KIAA1217: variants seen among roughly 807,000 people sequenced by gnomAD.
KIAA1217 encodes the protein sickle tail protein homolog.
Under a neutral mutation model 163.9 loss-of-function variants are expected in KIAA1217, and 88 were observed. The ratio of observed to expected loss-of-function variants is 0.54; its 90% CI spans 0.45 to 0.64. The LOEUF (loss-of-function observed/expected upper bound fraction) is 0.64. KIAA1217 is among the 30% of genes least tolerant of loss of function. KIAA1217 has a pLI of 0.00. For missense variants in KIAA1217, 2,372 were observed against 2,475.0 expected (o/e 0.96, Z 0.88); for synonymous variants, 903 against 923.1 (o/e 0.98, Z 0.39).
chr10:24,008,345 T>C (rs949041297), intron 2 of KIAA1217, among the ~76,000 whole-genome samples: 3 of 152,124 alleles, frequency 2.0e-5, no homozygotes, highest in African/African-American at 4.8e-5. Context: ...TCAGGAAGCA[T>C]TAAACTTAGC....
intron 1 of KIAA1217, among the ~76,000 whole-genome samples, chr10:23,880,413 A>T (rs888374237): frequency 6.6e-6 from 1 of 151,924 alleles, no homozygotes; most frequent in African/African-American, 2.4e-5. Flanking sequence ...AATTGAACAC[A>T]TGGAGATAGA....
chr10:23,985,323 C>G (rs536155582), intron 1 of KIAA1217, among the ~76,000 whole-genome samples: 1 of 152,270 alleles, frequency 6.6e-6, no homozygotes, highest in South Asian at 2.1e-4. Context: ...TTTCTGGACT[C>G]TCTTCTATTT....
intron 3 of KIAA1217, among the ~76,000 whole-genome samples, chr10:24,421,727 A>G (rs1227147647): frequency 3.3e-5 from 5 of 152,232 alleles, no homozygotes; most frequent in Non-Finnish European, 7.3e-5. Flanking sequence ...TGACTCTGTT[A>G]AGATAAGTGT....
At chr10:23,959,681 A>C (rs191186609) in intron 1 of KIAA1217, among the ~76,000 whole-genome samples, 11 of 152,306 alleles carry the variant, frequency 7.2e-5, no homozygotes, top group African/African-American at 2.4e-4. Context: ...AAGAGTGGAC[A>C]GTCCATAGGG....
At chr10:24,100,694 C>T (rs1482657165) in intron 2 of KIAA1217, among the ~76,000 whole-genome samples, 1 of 152,218 alleles carries the variant, frequency 6.6e-6, no homozygotes, top group African/African-American at 2.4e-5. Flanking sequence ...CCTTTTCAAA[C>T]TATTTTGCAA....
At chr10:23,877,211 C>A (rs1011523933) in intron 1 of KIAA1217, among the ~76,000 whole-genome samples, 1 of 151,924 alleles carries the variant, frequency 6.6e-6, no homozygotes, top group African/African-American at 2.4e-5. Flanking sequence ...GAGATGTACT[C>A]ACCTATCAGG....
intron 2 of KIAA1217, among the ~76,000 whole-genome samples, chr10:24,190,988 G>A (rs2066690984): frequency 6.6e-6 from 1 of 152,036 alleles, no homozygotes; most frequent in African/African-American, 2.4e-5. Flanking sequence ...GAGCCCAGGA[G>A]TTCAAGACCA....
chr10:24,107,723 A>G (rs550967104), intron 2 of KIAA1217, among the ~76,000 whole-genome samples: 2 of 152,288 alleles, frequency 1.3e-5, no homozygotes, highest in East Asian at 3.9e-4. Context: ...TCCATCTTGG[A>G]AGTGAATGTC....
chr10:24,226,483 A>C (rs1006096354), intron 2 of KIAA1217, among the ~76,000 whole-genome samples: 1 of 151,898 alleles, frequency 6.6e-6, no homozygotes, highest in Non-Finnish European at 1.5e-5. Context: ...AAATACAAAA[A>C]TACAGAAAAT....
chr10:23,773,091 G>A (rs1349420607), intron 1 of KIAA1217, among the ~76,000 whole-genome samples: 4 of 152,132 alleles, frequency 2.6e-5, no homozygotes, highest in South Asian at 2.1e-4. Context: ...AATGGACATT[G>A]AGGAAGAGAA....
intron 3 of KIAA1217, among the ~76,000 whole-genome samples, chr10:24,402,300 G>A (rs910901271): frequency 5.3e-5 from 8 of 151,632 alleles, no homozygotes; most frequent in Non-Finnish European, 8.8e-5. Flanking sequence ...AGGTCAGGAG[G>A]TCGAGACCAT....
At chr10:23,714,875 C>G (rs1373834528) in intron 1 of KIAA1217, among the ~76,000 whole-genome samples, 2 of 152,050 alleles carry the variant, frequency 1.3e-5, no homozygotes, top group Non-Finnish European at 2.9e-5. Flanking sequence ...ACCATTACCC[C>G]AAGACCCAGA....
chr10:24,065,563 TA>T (rs1238438336), intron 2 of KIAA1217, among the ~76,000 whole-genome samples: 5 of 152,240 alleles, frequency 3.3e-5, no homozygotes, highest in Non-Finnish European at 1.5e-5. Flanking sequence ...TACTTCCAAC[TA>T]TGTGGTCAAT....
intron 4 of KIAA1217, among the ~76,000 whole-genome samples, chr10:24,436,565 T>C (rs1174293078): frequency 4.6e-5 from 7 of 151,412 alleles, no homozygotes; most frequent in East Asian, 2.0e-4. Flanking sequence ...GAGACCATCC[T>C]GGTTAACACA....
In KIAA1217 at chr10:24,545,976, A is replaced by G; in HGVS notation, c.5484A>G (p.Pro1828=). 1.2e-6 allele frequency: 2 copies of G among 1,613,864 alleles called. No individual in the cohort carries two copies. Among genetic ancestry groups the G allele is most frequent in the Non-Finnish European group, 1.7e-6 (2 of 1,179,976 alleles). ...GTGACAGCTCTAACCTCCCTAATCC[A>G]CCTGCTACTAAACCATCGATTGCTT... ...SSGDSSNLPN[P]PATKPSIASN... Residue 1828 remains proline (P), a synonymous_variant, in exon 21 of 21, where the codon CCA becomes CCG. Transcript: ENST00000376454.
intron 1 of KIAA1217, 123 bp from the exon 2 acceptor site, chr10:24,219,502 AG>A: frequency 1.4e-6 from 1 of 719,068 alleles, no homozygotes; most frequent in South Asian, 3.0e-5. Flanking sequence ...AGAAAGAAAA[AG>A]AAAAAAGATT....
intron 1 of KIAA1217, among the ~76,000 whole-genome samples, chr10:23,740,972 T>G (rs1440217146): frequency 6.6e-6 from 1 of 152,122 alleles, no homozygotes; most frequent in African/African-American, 2.4e-5. Context: ...AATCTTATTT[T>G]ATGCTTGGGA....
At chr10:23,933,110 T>C (rs1843325190) in intron 1 of KIAA1217, among the ~76,000 whole-genome samples, 1 of 152,236 alleles carries the variant, frequency 6.6e-6, no homozygotes, top group East Asian at 1.9e-4. Flanking sequence ...GTTTTACTTC[T>C]CATATAATAA....
Position 24,092,904 on chromosome 10 carries a change from AGTGT to A in KIAA1217, c.-171+85551_-171+85554del, listed in dbSNP as rs149427130. Among the ~76,000 whole-genome samples the A allele has an allele frequency of 4.0e-3, 587 of 145,086 alleles. 8 individuals carry two copies. The highest frequency in any genetic ancestry group is 0.021 in the Admixed American group (309 of 14,784). Reference sequence around the variant, plus strand: ...AGTGAATTTTACTGTGTGTATGTATAGTGTGTGTGTGTGTGTGTGTGTGTTGTGT... The same window carrying A: ...AGTGAATTTTACTGTGTGTATGTATAGTGTGTGTGTGTGTGTGTGTTGTGT... On this transcript the variant is annotated intron_variant, in intron 2 of 18. Transcript: ENST00000376462.
Sources: gnomAD v4.1 joint callset for allele counts (sites outside exome capture counted in the v4.1 genomes callset) on GRCh38, gnomAD v4.1.1 for gene constraint, MANE v1.5 for transcripts, NCBI Gene and HGNC (gene_info 2026-07-23, HGNC 2026-07-21) for gene names.